Variants in TNIP3 observed in about 807,000 individuals in gnomAD.
The protein encoded by TNIP3 is TNFAIP3 interacting protein 3.
In TNIP3, 34 loss-of-function variants were observed where a neutral mutation model predicts 54.1. The observed-to-expected ratio is 0.63, with a 90% CI of 0.48 to 0.84. The LOEUF (loss-of-function observed/expected upper bound fraction) is 0.84. Ranked by LOEUF, TNIP3 falls within the 40% of genes least tolerant of loss-of-function variation. The pLI, the probability that TNIP3 is intolerant of heterozygous loss-of-function variation, is 0.00. For missense variants in TNIP3, 366 were observed against 387.6 expected (o/e 0.94, Z 0.47); for synonymous variants, 134 against 136.8 (o/e 0.98, Z 0.14).
chr4:121,160,983 G>A (rs1730412902), intron 2 of TNIP3, among the ~76,000 whole-genome samples, 153 bp downstream of exon 2: 1 of 152,188 alleles, frequency 6.6e-6, no homozygotes, highest in Admixed American at 6.5e-5. Context: ...GAATAAGAAA[G>A]AAGGCGTTTG....
intron 3 of TNIP3, among the ~76,000 whole-genome samples, chr4:121,177,330 A>C (rs1262167447): frequency 6.6e-6 from 1 of 152,182 alleles, no homozygotes; most frequent in Non-Finnish European, 1.5e-5. Flanking sequence ...TTGGTCACTA[A>C]CTTTCTACTT....
At chr4:121,203,348 C>T (rs1387831072) in intron 2 of TNIP3, among the ~76,000 whole-genome samples, 1 of 152,062 alleles carries the variant, frequency 6.6e-6, no homozygotes, top group African/African-American at 2.4e-5. Context: ...GACCATTATT[C>T]TAAGTGAAGT....
chr4:121,180,436 A>G (rs1724624488), intron 3 of TNIP3, among the ~76,000 whole-genome samples: 1 of 152,196 alleles, frequency 6.6e-6, no homozygotes, highest in South Asian at 2.1e-4. Context: ...GGAGTAAGAT[A>G]TTTTAAGAAA....
chr4:121,213,625 G>A (rs1241657142), intron 2 of TNIP3, among the ~76,000 whole-genome samples: 1 of 151,702 alleles, frequency 6.6e-6, no homozygotes, highest in Non-Finnish European at 1.5e-5. Flanking sequence ...TACTAGGGAG[G>A]CTGAGGCAGG....
Position 121,170,612 on chromosome 4 carries a change from TAATA to T in TNIP3, c.190-6470_190-6467del, listed in dbSNP as rs1297663777. Among the ~76,000 whole-genome samples, 6 of 151,982 alleles carry T rather than the reference TAATA, an allele frequency of 3.9e-5. No individual in the cohort carries two copies. The South Asian group carries it at 6.2e-4, about 16-fold the overall frequency. On this transcript the variant is annotated intron_variant, in intron 3 of 12. Transcript: ENST00000507879. ...TTTTTACTTGATTTTGATTAATATT[TAATA>T]AATAAATAATATAAATAATTAGATA...
intron 1 of TNIP3, among the ~76,000 whole-genome samples, chr4:121,162,675 T>C (rs573025683): frequency 6.6e-6 from 1 of 152,296 alleles, no homozygotes; most frequent in South Asian, 2.1e-4. Context: ...AGAATGGTGG[T>C]TCCCACCACA....
upstream of TNIP3, among the ~76,000 whole-genome samples, chr4:121,167,553 G>A (rs932798962): frequency 2.0e-5 from 3 of 152,064 alleles, no homozygotes; most frequent in Admixed American, 6.6e-5. Context: ...AGTAGGGTCC[G>A]TGTGGTATTT....
At chr4:121,187,908 T>G (rs1404396622) in intron 2 of TNIP3, among the ~76,000 whole-genome samples, 2 of 152,190 alleles carry the variant, frequency 1.3e-5, no homozygotes, top group African/African-American at 4.8e-5. Context: ...CTTTTTTTGG[T>G]CTAAGAGTAC....
rs183189516 is a variant in TNIP3, at chr4:121,182,518, G to A, written c.189+158C>T. Reference sequence around the variant, plus strand: ...TTCTTTAGTAACAGGAAGTGGCTGTGTGAGAGAAGTTTTATACTGCTTCAG... The same window carrying A: ...TTCTTTAGTAACAGGAAGTGGCTGTATGAGAGAAGTTTTATACTGCTTCAG... On this transcript the variant is annotated intron_variant, in intron 3 of 12. Transcript: ENST00000507879. Among the ~76,000 whole-genome samples the A allele has an allele frequency of 2.1e-3, 314 of 152,334 alleles. 2 individuals are homozygous for A. The highest frequency in any genetic ancestry group is 7.2e-3 in the African/African-American group (300 of 41,580).
At chr4:121,215,980 AT>A (rs1296136945) in intron 2 of TNIP3, among the ~76,000 whole-genome samples, 5 of 151,806 alleles carry the variant, frequency 3.3e-5, no homozygotes, top group South Asian at 2.1e-4. Context: ...TAAGTAAGGG[AT>A]TTTTTTTCAT....
Position 121,176,514 on chromosome 4 carries a change from T to TGATG in TNIP3, c.189+6161_189+6162insCATC, listed in dbSNP as rs1560671245. Among the ~76,000 whole-genome samples, 22 of 147,286 alleles carry TGATG rather than the reference T, an allele frequency of 1.5e-4. 1 individual carries two copies. The highest frequency in any genetic ancestry group is 4.0e-4 in the African/African-American group (16 of 40,142). Reference sequence around the variant, plus strand: ...AGGCTCAAGCTCATCCTACTAGCATTATGATGATGATGATGATGATGATGA... The same window carrying TGATG: ...AGGCTCAAGCTCATCCTACTAGCATTGATGATGATGATGATGATGATGATGATGA... On this transcript the variant is annotated intron_variant, in intron 3 of 12. Transcript: ENST00000507879.
intron 2 of TNIP3, among the ~76,000 whole-genome samples, chr4:121,213,948 GT>G (rs1726634672): frequency 6.6e-6 from 1 of 152,078 alleles, no homozygotes; most frequent in East Asian, 1.9e-4. Context: ...AAAACATCAT[GT>G]TTACTTTGAT....
intron 2 of TNIP3, among the ~76,000 whole-genome samples, chr4:121,203,529 G>T (rs946256611): frequency 2.0e-5 from 3 of 152,042 alleles, no homozygotes; most frequent in Admixed American, 6.6e-5. Flanking sequence ...CACTTTCCGG[G>T]TGATAGTGCA....
At chr4:121,162,941 A>G (rs1730541728) in intron 1 of TNIP3, among the ~76,000 whole-genome samples, 1 of 152,208 alleles carries the variant, frequency 6.6e-6, no homozygotes, top group Non-Finnish European at 1.5e-5. Context: ...TTGGGAGCCC[A>G]GATGTGGAAC....
At chr4:121,165,688 T>TGTGC (rs1401443845), upstream of TNIP3, among the ~76,000 whole-genome samples, 2 of 152,026 alleles carry the variant, frequency 1.3e-5, no homozygotes, top group African/African-American at 4.8e-5. Context: ...TGTGTGTGTG[T>TGTGC]GTGTTTACTT....
At chr4:121,134,466 T>A (rs528039851) in intron 10 of TNIP3, among the ~76,000 whole-genome samples, 47 of 152,342 alleles carry the variant, frequency 3.1e-4, no homozygotes, top group African/African-American at 9.9e-4. Context: ...CTTTGTAAAA[T>A]CACGTTTCTA....
At chr4:121,215,252 G>T (rs903884292) in intron 2 of TNIP3, among the ~76,000 whole-genome samples, 10 of 152,112 alleles carry the variant, frequency 6.6e-5, no homozygotes, top group Admixed American at 2.6e-4. Context: ...TTCTCATAGA[G>T]AATCTGAGAA....
chr4:121,164,023 G>T (rs775084453), intron 1 of TNIP3, 37 bp downstream of exon 1: 5 of 1,611,354 alleles, frequency 3.1e-6, no homozygotes, highest in Non-Finnish European at 3.4e-6. Flanking sequence ...ATCAATGCTA[G>T]ATGTGATCAA....
chr4:121,167,155 C>T (rs1730810335), upstream of TNIP3, among the ~76,000 whole-genome samples: 1 of 152,116 alleles, frequency 6.6e-6, no homozygotes, highest in African/African-American at 2.4e-5. Context: ...ATGCATCACT[C>T]ACCCTGTACT....
Sources: allele counts gnomAD v4.1 joint callset (sites outside exome capture counted in the v4.1 genomes callset), GRCh38; gene constraint gnomAD v4.1.1; transcripts MANE v1.5; gene names NCBI Gene and HGNC (gene_info 2026-07-23, HGNC 2026-07-21).